Variants in NRG3 observed in about 807,000 individuals in gnomAD.
The protein encoded by NRG3 is pro-neuregulin-3, membrane-bound isoform.
Under a neutral mutation model 66.9 loss-of-function variants are expected in NRG3, and 31 were observed. The ratio of observed to expected loss-of-function variants is 0.46; its 90% CI spans 0.35 to 0.63. The LOEUF is 0.63. Ranked by LOEUF, NRG3 falls within the 20% of genes least tolerant of loss-of-function variation. NRG3 has a pLI of 0.00. For synonymous variants in NRG3, 393 were observed against 359.4 expected, an observed-to-expected ratio of 1.09 and a Z score of -1.06; for missense variants, 910 against 878.9, an observed-to-expected ratio of 1.04 and a Z score of -0.45.
intron 3 of NRG3, among the ~76,000 whole-genome samples, chr10:82,748,462 A>T (rs1424179215): frequency 1.3e-5 from 2 of 151,652 alleles, no homozygotes; most frequent in African/African-American, 2.4e-5. Flanking sequence ...TAACATAAAC[A>T]TGTATATACT....
At chr10:82,655,799 A>G (rs1437419429) in intron 2 of NRG3, among the ~76,000 whole-genome samples, 3 of 152,208 alleles carry the variant, frequency 2.0e-5, no homozygotes, top group East Asian at 3.8e-4. Flanking sequence ...ATTAGCAAGC[A>G]TAATATAAAT....
chr10:82,737,878 G>C (rs534370720), intron 2 of NRG3, among the ~76,000 whole-genome samples: 1 of 152,142 alleles, frequency 6.6e-6, no homozygotes, highest in Non-Finnish European at 1.5e-5. Context: ...CCTCCAAATT[G>C]TGCCCGCCTC....
chr10:82,345,170 T>A (rs1469557361), intron 1 of NRG3, among the ~76,000 whole-genome samples: 2 of 142,386 alleles, frequency 1.4e-5, no homozygotes, highest in Non-Finnish European at 3.0e-5. Context: ...ATGCCTAGGT[T>A]TTCTTCTAGG....
chr10:81,876,351 G>A (rs189650978), intron 1 of NRG3, among the ~76,000 whole-genome samples, 188 bp downstream of exon 1: 107 of 152,316 alleles, frequency 7.0e-4, no homozygotes, highest in Middle Eastern at 3.4e-3. Context: ...TGGTTCTGGG[G>A]GGGTGGGGGC....
chr10:82,571,381 T>A (rs1000775780), intron 2 of NRG3, among the ~76,000 whole-genome samples: 1 of 151,666 alleles, frequency 6.6e-6, no homozygotes, highest in Admixed American at 6.6e-5. Flanking sequence ...TTGTAATCTG[T>A]TCAAGTTGAT....
At chr10:82,382,515 TG>T (rs1244816031) in intron 2 of NRG3, among the ~76,000 whole-genome samples, 1 of 152,030 alleles carries the variant, frequency 6.6e-6, no homozygotes, top group Non-Finnish European at 1.5e-5. Flanking sequence ...TAAACATTTT[TG>T]TTAGGTAGAT....
At chr10:82,774,268 G>T (rs2059817169) in intron 3 of NRG3, among the ~76,000 whole-genome samples, 1 of 152,250 alleles carries the variant, frequency 6.6e-6, no homozygotes, top group Non-Finnish European at 1.5e-5. Context: ...TCTAGCTTAA[G>T]TAGAAAGGTA....
intron 2 of NRG3, among the ~76,000 whole-genome samples, chr10:82,471,905 C>T (rs908251665): frequency 1.4e-5 from 2 of 146,226 alleles, no homozygotes; most frequent in South Asian, 2.3e-4. Flanking sequence ...AAAAAAAAAT[C>T]AAGGTTTGTA....
chr10:81,974,403 G>A (rs537684497), intron 1 of NRG3, among the ~76,000 whole-genome samples: 1 of 152,134 alleles, frequency 6.6e-6, no homozygotes, highest in Admixed American at 6.5e-5. Context: ...TGTTATGACT[G>A]TGGCATAGTA....
At chr10:81,979,174 C>T (rs375561974) in intron 1 of NRG3, among the ~76,000 whole-genome samples, 29 of 107,100 alleles carry the variant, frequency 2.7e-4, no homozygotes, top group Admixed American at 5.2e-4. Context: ...GGCGACAGGG[C>T]GGGACTCCGT....
intron 3 of NRG3, among the ~76,000 whole-genome samples, chr10:82,851,138 T>G (rs2063541488): frequency 1.3e-5 from 2 of 152,228 alleles, no homozygotes. Context: ...AGCTGTATTA[T>G]TATTTTTTAT....
chr10:82,842,780 G>A (rs779372882), intron 3 of NRG3, among the ~76,000 whole-genome samples: 1 of 152,034 alleles, frequency 6.6e-6, no homozygotes, highest in African/African-American at 2.4e-5. Context: ...AGTTGTAGTG[G>A]TGGTATTATA....
intron 2 of NRG3, among the ~76,000 whole-genome samples, chr10:82,458,837 C>A (rs906669025): frequency 1.3e-5 from 2 of 152,184 alleles, no homozygotes; most frequent in Non-Finnish European, 2.9e-5. Flanking sequence ...CTCACAGGCT[C>A]ACCTGAGGTA....
At chr10:81,931,189 T>G (rs934618964) in intron 1 of NRG3, among the ~76,000 whole-genome samples, 3 of 152,188 alleles carry the variant, frequency 2.0e-5, no homozygotes, top group Admixed American at 2.0e-4. Flanking sequence ...TCAGGCTGGT[T>G]CAGAGCTTTA....
intron 4 of NRG3, among the ~76,000 whole-genome samples, chr10:82,923,026 C>T (rs1205668109): frequency 6.6e-6 from 1 of 152,142 alleles, no homozygotes; most frequent in Non-Finnish European, 1.5e-5. Context: ...ATGTGATAAA[C>T]AATAAAGCTA....
intron 3 of NRG3, among the ~76,000 whole-genome samples, chr10:82,792,888 T>A (rs1456206683): frequency 2.0e-5 from 3 of 151,842 alleles, no homozygotes; most frequent in African/African-American, 7.3e-5. Context: ...CTCCATGTTG[T>A]TTAGGCTGGT....
At chr10:82,176,200 T>C (rs77215003) in intron 1 of NRG3, among the ~76,000 whole-genome samples, 2,323 of 152,280 alleles carry the variant, frequency 0.015, 20 homozygotes, top group Non-Finnish European at 0.021. Flanking sequence ...TAGAAGCCAT[T>C]TTATGAGATT....
chr10:82,400,196 T>C (rs2086987163), intron 2 of NRG3, among the ~76,000 whole-genome samples: 1 of 152,160 alleles, frequency 6.6e-6, no homozygotes, highest in African/African-American at 2.4e-5. Flanking sequence ...TAAACAGCAT[T>C]GTCAGTAATG....
intron 1 of NRG3, among the ~76,000 whole-genome samples, chr10:82,340,070 C>A (rs1331296952): frequency 6.6e-6 from 1 of 152,102 alleles, no homozygotes; most frequent in Non-Finnish European, 1.5e-5. Context: ...GAGGAAACTT[C>A]TCTTGATTGA....
Sources: gnomAD v4.1 joint callset for allele counts (sites outside exome capture counted in the v4.1 genomes callset) on GRCh38, gnomAD v4.1.1 for gene constraint, MANE v1.5 for transcripts, NCBI Gene and HGNC (gene_info 2026-07-23, HGNC 2026-07-21) for gene names.